The following EML5 variants were observed in gnomAD, a reference collection of about 807,000 sequenced individuals.
EML5 encodes EMAP like 5.
Under a neutral mutation model 250.0 loss-of-function variants are expected in EML5, and 120 were observed. The ratio of observed to expected loss-of-function variants is 0.48; its 90% confidence interval spans 0.41 to 0.56. The LOEUF (loss-of-function observed/expected upper bound fraction) is 0.56. Ranked by LOEUF, EML5 falls within the 20% of genes least tolerant of loss-of-function variation. The probability of loss-of-function intolerance (pLI) is 0.00; values close to 1 mark genes in which losing one functional copy is unlikely to be tolerated. For missense variants in EML5, 2,006 were observed against 2,437.6 expected, an observed-to-expected ratio of 0.82 and a Z score of 3.73; for synonymous variants, 771 against 806.5, an observed-to-expected ratio of 0.96 and a Z score of 0.75.
At chr14:88,643,843 T>C (rs912087918) in intron 30 of EML5, among the ~76,000 whole-genome samples, 2 of 152,130 alleles carry the variant, frequency 1.3e-5, no homozygotes, top group African/African-American at 2.4e-5. Context: ...TAGGACTAGG[T>C]TGGGGAGGGA....
At chr14:88,615,937 C>T (rs765194201) in intron 43 of EML5, 83 bp from the exon 44 acceptor site, 8 of 1,478,488 alleles carry the variant, frequency 5.4e-6, no homozygotes, top group Non-Finnish European at 7.4e-6. Flanking sequence ...GTTGTGCTTT[C>T]AGGTTACATG....
intron 4 of EML5, among the ~76,000 whole-genome samples, chr14:88,740,843 T>C (rs1351728635): frequency 6.6e-6 from 1 of 152,164 alleles, no homozygotes; most frequent in Non-Finnish European, 1.5e-5. Flanking sequence ...ATGCTTTCCT[T>C]AGGTTTCTGA....
intron 8 of EML5, among the ~76,000 whole-genome samples, chr14:88,715,692 C>T (rs1365936751): frequency 6.7e-6 from 1 of 148,720 alleles, no homozygotes. Flanking sequence ...GAGTCTCGCT[C>T]TGTTGCTTAG....
intron 31 of EML5, among the ~76,000 whole-genome samples, chr14:88,642,271 T>A (rs2091104462): frequency 6.6e-6 from 1 of 152,176 alleles, no homozygotes; most frequent in Non-Finnish European, 1.5e-5. Flanking sequence ...TACTTAATGT[T>A]ACTAGTAGCA....
rs569083906 is a variant in EML5 at position 88,616,171 on chromosome 14, A to G, written c.5868T>C (p.His1956=). ...TNIRFTSGDR[H]VVSAGGDDCS... ...AGTCATCACCTCCAGCACTAACAAC[A>G]TGTCGATCACCACTGGTAAATCGAA... is the stretch of plus-strand genomic sequence containing the variant. The change falls in exon 43 of 44, where the codon CAT becomes CAC. Residue 1956 remains histidine, a synonymous_variant. Coordinates refer to ENST00000554922, the MANE Select transcript of EML5 (RefSeq NM_183387.3). 1.6e-5 allele frequency: 26 copies of G among 1,613,956 alleles called. No individual in the cohort carries two copies. In the South Asian group the frequency reaches 2.1e-4, roughly 13 times the overall value.
intron 33 of EML5, among the ~76,000 whole-genome samples, chr14:88,631,275 G>A (rs1238709648): frequency 6.6e-6 from 1 of 152,188 alleles, no homozygotes; most frequent in Non-Finnish European, 1.5e-5. Flanking sequence ...GTGCCATGAT[G>A]TGATCATGAC....
chr14:88,740,866 A>G (rs555308574), intron 4 of EML5, among the ~76,000 whole-genome samples: 7 of 152,204 alleles, frequency 4.6e-5, no homozygotes, highest in African/African-American at 7.2e-5. Flanking sequence ...AGAAATCTAC[A>G]TAAAACTTAG....
At chr14:88,672,480 T>G (rs986360925) in intron 21 of EML5, among the ~76,000 whole-genome samples, 1 of 151,610 alleles carries the variant, frequency 6.6e-6, no homozygotes, top group African/African-American at 2.4e-5. Flanking sequence ...ATATCACAAC[T>G]AAAAGAACTA....
At chr14:88,776,368 T>C (rs993645966) in intron 1 of EML5, among the ~76,000 whole-genome samples, 2 of 151,934 alleles carry the variant, frequency 1.3e-5, no homozygotes, top group Non-Finnish European at 2.9e-5. Flanking sequence ...AAATTGAAGA[T>C]AACACAGAGA....
intron 1 of EML5, among the ~76,000 whole-genome samples, chr14:88,767,330 T>C (rs905203271): frequency 6.6e-6 from 1 of 152,204 alleles, no homozygotes; most frequent in Non-Finnish European, 1.5e-5. Context: ...TTCCTGCACA[T>C]GCAGCACAGA....
At chr14:88,663,162 T>C (rs1205309793) in intron 23 of EML5, 43 bp from the exon 24 acceptor site, 7 of 1,281,738 alleles carry the variant, frequency 5.5e-6, no homozygotes, top group Non-Finnish European at 6.4e-6. Context: ...ATAAAATACA[T>C]ACAAATATAT....
intron 14 of EML5, among the ~76,000 whole-genome samples, chr14:88,700,640 G>A (rs1421382605): frequency 6.6e-6 from 1 of 152,044 alleles, no homozygotes; most frequent in African/African-American, 2.4e-5. Context: ...TTAGAACAGA[G>A]TTTTTAATCA....
chr14:88,616,941 A>G, intron 41 of EML5, 62 bp from the exon 42 acceptor site: 2 of 1,536,320 alleles, frequency 1.3e-6, no homozygotes, highest in South Asian at 1.2e-5. Context: ...ACTATATTCA[A>G]AAAGTTTCTT....
intron 2 of EML5, among the ~76,000 whole-genome samples, chr14:88,752,767 G>A (rs2094114685): frequency 6.6e-6 from 1 of 152,080 alleles, no homozygotes; most frequent in Admixed American, 6.5e-5. Context: ...CCCCAACCCT[G>A]TACCCATAAA....
chr14:88,773,863 G>C (rs1197569963), intron 1 of EML5, among the ~76,000 whole-genome samples: 1 of 152,128 alleles, frequency 6.6e-6, no homozygotes, highest in Non-Finnish European at 1.5e-5. Context: ...TCATGCCTGT[G>C]ATCCTAGCAT....
chr14:88,741,176 T>A (rs78077739), intron 4 of EML5, among the ~76,000 whole-genome samples: 36,747 of 150,970 alleles, frequency 0.24, 4,606 homozygotes, highest in East Asian at 0.38. Context: ...AAAAAAAAAA[T>A]TTTAGGTTAA....
At chr14:88,640,752 GA>G (rs1307337403) in intron 31 of EML5, among the ~76,000 whole-genome samples, 2 of 151,496 alleles carry the variant, frequency 1.3e-5, no homozygotes, top group Admixed American at 1.3e-4. Context: ...TCTATACAAA[GA>G]ATCAACAAAA....
At chr14:88,670,969 AGT>A (rs1450382404) in intron 21 of EML5, among the ~76,000 whole-genome samples, 1 of 152,164 alleles carries the variant, frequency 6.6e-6, no homozygotes, top group Non-Finnish European at 1.5e-5. Flanking sequence ...AACAGAACAA[AGT>A]TGTAAAACGT....
At chr14:88,635,419 T>C (rs2090665661) in intron 32 of EML5, among the ~76,000 whole-genome samples, 1 of 152,186 alleles carries the variant, frequency 6.6e-6, no homozygotes, top group South Asian at 2.1e-4. Flanking sequence ...ACCTGAAGCC[T>C]GGGTGAAAGA....
Sources: gnomAD v4.1 joint callset for allele counts (sites outside exome capture counted in the v4.1 genomes callset) on GRCh38, gnomAD v4.1.1 for gene constraint, MANE v1.5 for transcripts, NCBI Gene and HGNC (gene_info 2026-07-23, HGNC 2026-07-21) for gene names.